Variants in CNOT10 observed in about 807,000 individuals in gnomAD.
CNOT10 encodes CCR4-NOT transcription complex, subunit 10.
Under a neutral mutation model 94.6 loss-of-function variants are expected in CNOT10, and 30 were observed. The observed-to-expected ratio is 0.32, with a 90% CI of 0.24 to 0.43. CNOT10 has a LOEUF of 0.43. Ranked by LOEUF, CNOT10 falls within the 20% of genes least tolerant of loss-of-function variation. CNOT10 has a pLI of 1.00. For synonymous variants in CNOT10, 289 were observed against 301.6 expected (o/e 0.96, Z 0.43); for missense variants, 759 against 877.2 (o/e 0.87, Z 1.70).
intron 1 of CNOT10, among the ~76,000 whole-genome samples, chr3:32,694,376 G>T (rs1696967733): frequency 6.6e-6 from 1 of 152,090 alleles, no homozygotes; most frequent in African/African-American, 2.4e-5. Flanking sequence ...TAAGTTCGGT[G>T]TAAAAATTTG....
At chr3:32,697,559 C>G (rs1575206448) in intron 1 of CNOT10, among the ~76,000 whole-genome samples, 1 of 152,186 alleles carries the variant, frequency 6.6e-6, no homozygotes. Flanking sequence ...CAGCCTCAAC[C>G]TCCCAGGCTT....
At chr3:32,718,185 T>A (rs1698205592) in intron 7 of CNOT10, among the ~76,000 whole-genome samples, 1 of 151,896 alleles carries the variant, frequency 6.6e-6, no homozygotes, top group Non-Finnish European at 1.5e-5. Flanking sequence ...TGCTAGTGAT[T>A]TTTGAGAACA....
At chr3:32,718,493 A>G (rs1204613762) in intron 7 of CNOT10, among the ~76,000 whole-genome samples, 2 of 144,762 alleles carry the variant, frequency 1.4e-5, no homozygotes, top group African/African-American at 5.1e-5. Context: ...CTGAGGCAGG[A>G]GAATGGTGTG....
chr3:32,772,219 A>C (rs138716983), intron 18 of CNOT10, among the ~76,000 whole-genome samples: 9 of 152,162 alleles, frequency 5.9e-5, no homozygotes, highest in African/African-American at 2.2e-4. Flanking sequence ...GCGTGTTGGC[A>C]TACAGTTGTA....
chr3:32,685,381 G>GCGA lies in CNOT10; in HGVS notation c.-80_-79insCGA, dbSNP rs1696551728. On this transcript the variant is annotated 5_prime_UTR_variant, in exon 1 of 19. Transcript: ENST00000328834. The stretch of plus-strand genomic sequence containing the variant: ...GGGTAGGCACAGAGTTGTCCTCGGA[G>GCGA]GTCCAGGACAGCGGCCAGCCCGGCG... The GCGA allele has an allele frequency of 2.0e-6, 3 of 1,497,646 alleles. No individual in the cohort carries two copies. In the Admixed American group the frequency reaches 5.9e-5, roughly 29 times the overall value. 92.8% of individuals were successfully genotyped at this position (1,497,646 alleles called of 1,614,324 possible).
chr3:32,695,908 G>A (rs1263461562), intron 1 of CNOT10: 1 of 1,125,138 alleles, frequency 8.9e-7, no homozygotes, highest in East Asian at 2.7e-5. Flanking sequence ...CCCATTTCTG[G>A]CAGAAAACTC....
intron 4 of CNOT10, among the ~76,000 whole-genome samples, chr3:32,711,640 G>A (rs1030310456): frequency 2.6e-5 from 4 of 152,148 alleles, no homozygotes; most frequent in Admixed American, 2.0e-4. Flanking sequence ...TATTTGAAAC[G>A]AGACCTGAAT....
At chr3:32,716,418 C>G in intron 6 of CNOT10, 107 bp downstream of exon 6, 3 of 553,060 alleles carry the variant, frequency 5.4e-6, no homozygotes, top group Non-Finnish European at 9.7e-6. Context: ...ATTCAAGGTG[C>G]ATATATTTGT....
At chr3:32,725,123 C>T (rs1192269441) in intron 8 of CNOT10, among the ~76,000 whole-genome samples, 4 of 151,804 alleles carry the variant, frequency 2.6e-5, no homozygotes, top group Non-Finnish European at 4.4e-5. Flanking sequence ...TGCTTGAGCC[C>T]AGGAGTTCGA....
At chr3:32,760,051 G>T (rs965505616) in intron 14 of CNOT10, among the ~76,000 whole-genome samples, 6 of 151,716 alleles carry the variant, frequency 4.0e-5, no homozygotes, top group African/African-American at 1.5e-4. Context: ...GCGTAGTGGC[G>T]GGCACCTGTA....
rs11928830 is a variant in CNOT10, at chr3:32,766,569, C to G, written c.2004+1760C>G. On this transcript the variant is annotated intron_variant, in intron 17 of 18. Transcript: ENST00000328834. ...AATGGCATGAACCCGGGAGGTGGAGCTTGCAGTGAGCCAAGATCGCGCCAC... is the reference window on the plus strand; with the variant it reads ...AATGGCATGAACCCGGGAGGTGGAGGTTGCAGTGAGCCAAGATCGCGCCAC... Among the ~76,000 whole-genome samples, 60 of 8,708 alleles carry G rather than the reference C, an allele frequency of 6.9e-3. 4 individuals carry two copies. The highest frequency in any genetic ancestry group is 0.012 in the Admixed American group (8 of 658). The allele number at this position is 8,708 out of a possible 152,430, so 5.7% of individuals were successfully genotyped here.
chr3:32,747,008 A>G (rs1369268252), intron 13 of CNOT10, among the ~76,000 whole-genome samples: 3 of 149,656 alleles, frequency 2.0e-5, no homozygotes, highest in Non-Finnish European at 3.0e-5. Context: ...TCCCAGCTAC[A>G]CGGGGGGCTG....
intron 3 of CNOT10, among the ~76,000 whole-genome samples, chr3:32,706,545 A>G (rs1198158758): frequency 6.6e-6 from 1 of 152,104 alleles, no homozygotes; most frequent in African/African-American, 2.4e-5. Context: ...AACCTATTCC[A>G]TTTTAATTAG....
At chr3:32,696,956 C>CT (rs1220824270) in intron 1 of CNOT10, among the ~76,000 whole-genome samples, 1,991 of 139,636 alleles carry the variant, frequency 0.014, 21 homozygotes, top group Non-Finnish European at 0.022. Flanking sequence ...TTTTTCTTTT[C>CT]TTTTTTTTTT....
At chr3:32,747,423 CAATAAATA>C (rs752514872) in intron 13 of CNOT10, among the ~76,000 whole-genome samples, 23 of 151,740 alleles carry the variant, frequency 1.5e-4, no homozygotes, top group Admixed American at 3.3e-4. Context: ...AACTCCGTCT[CAATAAATA>C]AATAAATAAA....
chr3:32,728,065 C>T (rs747628617), intron 10 of CNOT10, among the ~76,000 whole-genome samples, 195 bp downstream of exon 10: 17 of 151,522 alleles, frequency 1.1e-4, no homozygotes, highest in African/African-American at 3.4e-4. Flanking sequence ...GTTACGATCT[C>T]GGCTCACTGC....
intron 13 of CNOT10, among the ~76,000 whole-genome samples, chr3:32,738,966 A>G (rs1433771250): frequency 7.1e-6 from 1 of 141,638 alleles, no homozygotes. Flanking sequence ...GTGCAGTGGT[A>G]TGATCTCGGC....
chr3:32,733,248 G>A (rs1259505564), intron 10 of CNOT10, among the ~76,000 whole-genome samples, 175 bp from the exon 11 acceptor site: 4 of 152,096 alleles, frequency 2.6e-5, no homozygotes, highest in African/African-American at 9.7e-5. Context: ...CAGATTTTCA[G>A]CCTTATATAC....
intron 6 of CNOT10, among the ~76,000 whole-genome samples, chr3:32,716,802 C>G (rs1231018036): frequency 6.6e-6 from 1 of 152,106 alleles, no homozygotes. Context: ...GTGCGCATCA[C>G]CACACCCGGA....
Sources: allele counts gnomAD v4.1 joint callset (sites outside exome capture counted in the v4.1 genomes callset), GRCh38; gene constraint gnomAD v4.1.1; transcripts MANE v1.5; gene names NCBI Gene and HGNC (gene_info 2026-07-23, HGNC 2026-07-21).